Variants in BRI3BP observed in about 807,000 individuals in gnomAD.
BRI3BP encodes BRI3 binding protein, also known as BRI3-binding protein.
Under a neutral mutation model 15.8 loss-of-function variants are expected in BRI3BP, and 7 were observed. That is an observed-to-expected ratio of 0.44 (90% confidence interval 0.25 to 0.83). BRI3BP has a LOEUF of 0.83. BRI3BP is among the 40% of genes least tolerant of loss of function. The pLI, the probability that BRI3BP is intolerant of heterozygous loss-of-function variation, is 0.20. For missense variants in BRI3BP, 320 were observed against 339.3 expected (o/e 0.94, Z 0.45); for synonymous variants, 192 against 163.5 (o/e 1.17, Z -1.33).
intron 1 of BRI3BP, among the ~76,000 whole-genome samples, chr12:124,999,456 C>G (rs1292173547): frequency 1.3e-5 from 2 of 152,118 alleles, no homozygotes; most frequent in Non-Finnish European, 2.9e-5. Flanking sequence ...CAGAGTCTCC[C>G]TCTGTCGCCC....
Position 125,025,285 on chromosome 12 carries a change from A to G in BRI3BP, c.611A>G (p.Tyr204Cys). Residue 204 changes from tyrosine to cysteine, a missense_variant, in exon 3 of 3, where the codon TAC (tyrosine) becomes TGC (cysteine). Transcript: ENST00000341446. ...TTCATGACCGGGCCCATGGGCTTCT[A>G]CTGGCGAAGCAGTCCCAGCGGCCCC... ...VYFMTGPMGF[Y>C]WRSSPSGPSN... is the part of the protein sequence containing the mutation. 2 of 1,614,012 alleles carry G rather than the reference A, an allele frequency of 1.2e-6. No homozygotes were observed. Among genetic ancestry groups the G allele is most frequent in the Non-Finnish European group, 1.7e-6 (2 of 1,180,022 alleles).
the BRI3BP span, among the ~76,000 whole-genome samples, chr12:125,047,482 CT>C: frequency 1.4e-5 from 2 of 146,838 alleles, no homozygotes; most frequent in African/African-American, 5.0e-5. Context: ...CTTTTTTTTT[CT>C]TTTTTTTCAA....
chr12:125,031,540 T>C (rs990240559), downstream of BRI3BP, among the ~76,000 whole-genome samples: 19 of 151,322 alleles, frequency 1.3e-4, no homozygotes, highest in African/African-American at 4.4e-4. Flanking sequence ...ATACCCATGC[T>C]GCTTTCTCAG....
In BRI3BP at chr12:124,996,981, G is replaced by A. The variant is rs138994370; in HGVS notation, c.213+2978G>A. 5.4e-4 allele frequency among the ~76,000 whole-genome samples: 81 copies of A among 150,826 alleles called. 1 individual carries two copies. The East Asian group carries it at 0.014, about 27-fold the overall frequency. The stretch of plus-strand genomic sequence containing the variant: ...TCACCATGTTGGCCAGGCTGGTTTC[G>A]AACTCCTGACCTCGTAATCCGCCCT... On this transcript the variant is annotated intron_variant, in intron 1 of 2. Transcript: ENST00000341446.
chr12:125,021,700 G>T lies in BRI3BP; in HGVS notation c.317-3291G>T, dbSNP rs144695936. ...GAAGCAAGGCACGTCTTACGTGGTG[G>T]CAGGAGAGAGGAAGCAAGAGCGAGG... is the stretch of plus-strand genomic sequence containing the variant. On this transcript the variant is annotated intron_variant, in intron 2 of 2. Coordinates refer to ENST00000341446, the MANE Select transcript of BRI3BP (RefSeq NM_080626.6). Among the ~76,000 whole-genome samples the T allele has an allele frequency of 3.3e-3, 504 of 152,314 alleles. 3 individuals are homozygous for T. The highest frequency in any genetic ancestry group is 5.9e-3 in the Admixed American group (91 of 15,298).
downstream of BRI3BP, among the ~76,000 whole-genome samples, chr12:125,035,118 T>C (rs183088636): frequency 2.3e-3 from 350 of 152,338 alleles, 2 homozygotes; most frequent in African/African-American, 8.0e-3. Flanking sequence ...GTTTCCTATT[T>C]GGGGCTATTA....
chr12:125,008,862 G>A (rs1955172000), intron 1 of BRI3BP, among the ~76,000 whole-genome samples: 1 of 152,132 alleles, frequency 6.6e-6, no homozygotes, highest in Non-Finnish European at 1.5e-5. Context: ...AGTTGCATCT[G>A]TTCCTTCTGG....
At position 125,028,196 on chromosome 12, in the gene BRI3BP, A is replaced by T. The variant is rs964095059; in HGVS notation, c.*2766A>T. 2 of 152,242 alleles carry T rather than the reference A, an allele frequency of 1.3e-5. No homozygotes were observed. The highest frequency in any genetic ancestry group is 2.4e-5 in the African/African-American group (1 of 41,468). 9.4% of individuals were successfully genotyped at this position (152,242 alleles called of 1,614,324 possible). On this transcript the variant is annotated 3_prime_UTR_variant, in exon 3 of 3. Transcript: ENST00000341446. ...CTTTGCTTATGTTGGCCAGGGGAAAACATGGCATTCTGTGCGCAAAGCTAA... is the reference window on the plus strand; with the variant it reads ...CTTTGCTTATGTTGGCCAGGGGAAATCATGGCATTCTGTGCGCAAAGCTAA...
intron 1 of BRI3BP, among the ~76,000 whole-genome samples, chr12:125,008,700 G>A (rs149900848): frequency 2.6e-5 from 4 of 152,252 alleles, no homozygotes; most frequent in African/African-American, 4.8e-5. Context: ...GGACTGGGTC[G>A]GGGGATGGTT....
Position 124,993,977 on chromosome 12 carries a change from G to C in BRI3BP, c.187G>C (p.Glu63Gln). ...FSQSVSSLFG[E>Q]DNVRAAQKFL... ...CCAGAGCGTCAGCAGCCTGTTCGGCGAGGACAACGTGCGCGCCGCTCAGAA... is the reference window on the plus strand; with the variant it reads ...CCAGAGCGTCAGCAGCCTGTTCGGCCAGGACAACGTGCGCGCCGCTCAGAA... The change falls in exon 1 of 3, where the codon GAG (glutamate) becomes CAG (glutamine). Residue 63 changes from glutamate (E) to glutamine (Q), a missense_variant. Physicochemically the swap from Glu to Gln is conservative, Grantham distance 29. Coordinates refer to ENST00000341446, the MANE Select transcript of BRI3BP (RefSeq NM_080626.6). The C allele has an allele frequency of 7.4e-7, 1 of 1,358,880 alleles. No individual in the cohort carries two copies. Among genetic ancestry groups the C allele is most frequent in the Non-Finnish European group, 9.6e-7 (1 of 1,040,338 alleles). The allele number at this position is 1,358,880 out of a possible 1,614,324, so 84.2% of individuals were successfully genotyped here. A position where few individuals can be genotyped will look rare whatever the true frequency, so the allele number is the denominator to read the frequency against.
intron 1 of BRI3BP, 57 bp downstream of exon 1, chr12:124,994,060 A>C: frequency 9.0e-7 from 1 of 1,116,052 alleles, no homozygotes; most frequent in Non-Finnish European, 1.1e-6. Flanking sequence ...GCACCTGGCT[A>C]CCGGGGCCGA....
chr12:125,047,588 C>T, the BRI3BP span, among the ~76,000 whole-genome samples: 1 of 151,994 alleles, frequency 6.6e-6, no homozygotes, highest in Non-Finnish European at 1.5e-5. Flanking sequence ...GTTGGCCAGG[C>T]TGGTCTGGAA....
rs1368333627 is a variant in BRI3BP, at chr12:125,025,331, C to A, written c.657C>A (p.Ser219Arg). 14 of 1,613,470 alleles carry A rather than the reference C, an allele frequency of 8.7e-6. No homozygotes were observed. The highest frequency in any genetic ancestry group is 1.2e-5 in the Non-Finnish European group (14 of 1,179,818). Reference protein sequence around the residue: ...PSGPSNPSNPSVEEKLEHLEK... With the variant: ...PSGPSNPSNPRVEEKLEHLEK... Reference sequence around the variant, plus strand: ...GCCCCAGCAACCCCAGCAACCCCAGCGTGGAGGAGAAGCTGGAGCACCTGG... The same window carrying A: ...GCCCCAGCAACCCCAGCAACCCCAGAGTGGAGGAGAAGCTGGAGCACCTGG... Residue 219 changes from serine (S) to arginine (R), a missense_variant, in exon 3 of 3, where the codon AGC becomes AGA. By Grantham distance (110) the Ser-to-Arg change is moderately radical. Transcript: ENST00000341446.
chr12:125,025,660 A>G lies in BRI3BP; in HGVS notation c.*230A>G, dbSNP rs571259108. The G allele has an allele frequency of 1.9e-6, 1 of 514,724 alleles. No individual in the cohort carries two copies. The highest frequency in any genetic ancestry group is 3.4e-6 in the Non-Finnish European group (1 of 294,664). The allele number at this position is 514,724 out of a possible 1,614,324, so 31.9% of individuals were successfully genotyped here. A position where few individuals can be genotyped will look rare whatever the true frequency, so the allele number is the denominator to read the frequency against. On this transcript the variant is annotated 3_prime_UTR_variant, in exon 3 of 3. Transcript: ENST00000341446. Reference sequence around the variant, plus strand: ...ACGAAGTGTAATTAGTGGGGGAAAAAATATTTTTTAAACAAAGGATATAAC... The same window carrying G: ...ACGAAGTGTAATTAGTGGGGGAAAAGATATTTTTTAAACAAAGGATATAAC...
At chr12:125,032,234 G>A (rs1315821193), downstream of BRI3BP, among the ~76,000 whole-genome samples, 4 of 151,670 alleles carry the variant, frequency 2.6e-5, no homozygotes, top group African/African-American at 9.7e-5. Context: ...AGGCCGAGGC[G>A]GGCGGATCAC....
rs1394841666 is a variant in BRI3BP at position 125,030,989 on chromosome 12, T to C, written c.*5559T>C. 6.6e-6 allele frequency: 1 copy of C among 152,120 alleles called. No individual in the cohort carries two copies. The highest frequency in any genetic ancestry group is 1.5e-5 in the Non-Finnish European group (1 of 68,028). 9.4% of individuals were successfully genotyped at this position (152,120 alleles called of 1,614,324 possible). A position where few individuals can be genotyped will look rare whatever the true frequency, so the allele number is the denominator to read the frequency against. ...TGTGTGTGTGTGTGTGCACTTTAGT[T>C]TCGTGAGCCTTGGGAAACTGATTCT... On this transcript the variant is annotated 3_prime_UTR_variant, in exon 3 of 3. Transcript: ENST00000341446.
intron 1 of BRI3BP, 85 bp from the exon 2 acceptor site, chr12:125,012,449 T>C: frequency 8.9e-7 from 1 of 1,119,984 alleles, no homozygotes; most frequent in Non-Finnish European, 1.4e-6. Context: ...CCTTCCCAGG[T>C]ATAAACTCCC....
intron 2 of BRI3BP, among the ~76,000 whole-genome samples, chr12:125,022,033 T>A (rs1357021213): frequency 2.9e-5 from 4 of 136,702 alleles, no homozygotes; most frequent in Non-Finnish European, 6.2e-5. Context: ...TGAGCCGAGA[T>A]CACACCATCA....
intron 1 of BRI3BP, among the ~76,000 whole-genome samples, chr12:125,006,413 G>A (rs1955144364): frequency 6.6e-6 from 1 of 152,218 alleles, no homozygotes; most frequent in Non-Finnish European, 1.5e-5. Context: ...CAGTTTTCAG[G>A]AGGGGACAGG....
Sources: allele counts gnomAD v4.1 joint callset (sites outside exome capture counted in the v4.1 genomes callset), GRCh38; gene constraint gnomAD v4.1.1; transcripts MANE v1.5; gene names NCBI Gene and HGNC (gene_info 2026-07-23, HGNC 2026-07-21).